GALNT13: variants seen among roughly 807,000 people sequenced by gnomAD.
The protein encoded by GALNT13 is polypeptide N-acetylgalactosaminyltransferase 13.
GALNT13 carries 28 observed loss-of-function variants against 64.2 expected under a neutral mutation model. That is an observed-to-expected ratio of 0.44 (90% CI 0.32 to 0.60). The LOEUF is 0.60. Ranked by LOEUF, GALNT13 falls within the 20% of genes least tolerant of loss-of-function variation. The probability of loss-of-function intolerance (pLI) is 0.05; values close to 1 mark genes in which losing one functional copy is unlikely to be tolerated. For synonymous variants in GALNT13, 214 were observed against 224.6 expected (o/e 0.95, Z 0.42); for missense variants, 577 against 669.8 (o/e 0.86, Z 1.53).
chr2:153,235,598 T>C, the GALNT13 span, among the ~76,000 whole-genome samples: 1 of 152,070 alleles, frequency 6.6e-6, no homozygotes, highest in Admixed American at 6.5e-5. Flanking sequence ...TGAGCATAGG[T>C]CAGCCCAAGG....
intron 3 of GALNT13, among the ~76,000 whole-genome samples, chr2:154,126,911 G>A (rs1215653531): frequency 1.3e-5 from 2 of 151,920 alleles, no homozygotes; most frequent in African/African-American, 2.4e-5. Flanking sequence ...ATAGCGATAT[G>A]AGGCAAAAAA....
chr2:154,123,104 G>A (rs1682049950), intron 3 of GALNT13, among the ~76,000 whole-genome samples: 1 of 151,852 alleles, frequency 6.6e-6, no homozygotes, highest in African/African-American at 2.4e-5. Flanking sequence ...TTTCAAAACT[G>A]AAGAATAAAC....
the GALNT13 span, among the ~76,000 whole-genome samples, chr2:153,187,044 T>G: frequency 3.3e-5 from 5 of 152,362 alleles, no homozygotes; most frequent in Non-Finnish European, 5.9e-5. Context: ...GTAGAAAATA[T>G]GAATGATGCT....
the GALNT13 span, among the ~76,000 whole-genome samples, chr2:153,600,375 T>C: frequency 6.6e-6 from 1 of 152,058 alleles, no homozygotes; most frequent in African/African-American, 2.4e-5. Context: ...TCATTTTGCT[T>C]TTTGTAAATA....
chr2:154,021,076 C>A (rs1168758447), intron 3 of GALNT13, among the ~76,000 whole-genome samples: 2 of 152,120 alleles, frequency 1.3e-5, no homozygotes, highest in African/African-American at 2.4e-5. Flanking sequence ...GTTTTCGTAC[C>A]AGTACCATGC....
At chr2:154,403,024 A>G (rs1319890784) in intron 10 of GALNT13, among the ~76,000 whole-genome samples, 1 of 152,104 alleles carries the variant, frequency 6.6e-6, no homozygotes, top group Non-Finnish European at 1.5e-5. Flanking sequence ...CCATTTTTGT[A>G]TTTTGAAGAC....
the GALNT13 span, among the ~76,000 whole-genome samples, chr2:153,391,557 T>C: frequency 6.6e-6 from 1 of 152,132 alleles, no homozygotes; most frequent in Admixed American, 6.6e-5. Flanking sequence ...TTTCTCTAAT[T>C]TATCATTTTG....
chr2:153,402,928 C>G, the GALNT13 span, among the ~76,000 whole-genome samples: 46 of 152,342 alleles, frequency 3.0e-4, no homozygotes, highest in African/African-American at 1.1e-3. Context: ...ACTCTCAGCT[C>G]GTCAAAGTCA....
the GALNT13 span, among the ~76,000 whole-genome samples, chr2:153,345,654 TCTTTCTTTC>T: frequency 3.7e-5 from 5 of 133,708 alleles, no homozygotes; most frequent in African/African-American, 1.5e-4. Flanking sequence ...TTTCTTTCTT[TCTTTCTTTC>T]TTTCTTTCTT....
chr2:154,361,762 C>T (rs148236929), intron 9 of GALNT13, among the ~76,000 whole-genome samples: 1 of 152,026 alleles, frequency 6.6e-6, no homozygotes, highest in Non-Finnish European at 1.5e-5. Flanking sequence ...AAAAACTAGG[C>T]CTGTGTCATT....
At chr2:153,918,008 A>G (rs889255704) in intron 2 of GALNT13, among the ~76,000 whole-genome samples, 1 of 151,790 alleles carries the variant, frequency 6.6e-6, no homozygotes, top group Non-Finnish European at 1.5e-5. Flanking sequence ...GCATGTACAC[A>G]TGTGTGAGTG....
intron 2 of GALNT13, among the ~76,000 whole-genome samples, chr2:153,912,491 T>A (rs1041797663): frequency 1.6e-4 from 24 of 152,216 alleles, no homozygotes; most frequent in African/African-American, 4.8e-4. Context: ...TTGCTTTTTT[T>A]GAGCTGTCAG....
At chr2:154,429,227 G>T (rs984042989) in intron 11 of GALNT13, among the ~76,000 whole-genome samples, 3 of 152,142 alleles carry the variant, frequency 2.0e-5, no homozygotes, top group Non-Finnish European at 2.9e-5. Flanking sequence ...AGTGAGGAAG[G>T]TATGTCAAGA....
chr2:154,045,899 G>A (rs1298821614), intron 3 of GALNT13, among the ~76,000 whole-genome samples: 1 of 152,030 alleles, frequency 6.6e-6, no homozygotes, highest in South Asian at 2.1e-4. Context: ...CATTATTGCC[G>A]TTAAAGTCTT....
chr2:153,162,480 CT>C, the GALNT13 span, among the ~76,000 whole-genome samples: 18 of 152,200 alleles, frequency 1.2e-4, no homozygotes, highest in Admixed American at 5.2e-4. Flanking sequence ...CTCTGTAGGG[CT>C]TTTGATGATT....
the GALNT13 span, among the ~76,000 whole-genome samples, chr2:153,133,350 TG>T: frequency 6.6e-6 from 1 of 151,996 alleles, no homozygotes; most frequent in South Asian, 2.1e-4. Flanking sequence ...ACTGGGAGGA[TG>T]GGGTGGGCTT....
chr2:154,444,274 A>C (rs1026473255), intron 12 of GALNT13, among the ~76,000 whole-genome samples: 2 of 152,170 alleles, frequency 1.3e-5, no homozygotes, highest in Non-Finnish European at 2.9e-5. Context: ...CTTAATTACT[A>C]TACTTTTTGA....
Position 154,233,800 on chromosome 2 carries a change from G to A in GALNT13, c.312-8230G>A, listed in dbSNP as rs576109028. Reference sequence around the variant, plus strand: ...TAGAGTGGAGAAAGTGGTCGGGGACGGTCCCAGTTGTGCTTAGTAGGAGGG... The same window carrying A: ...TAGAGTGGAGAAAGTGGTCGGGGACAGTCCCAGTTGTGCTTAGTAGGAGGG... On this transcript the variant is annotated intron_variant, in intron 4 of 12. Coordinates refer to ENST00000392825, the MANE Select transcript of GALNT13 (RefSeq NM_052917.4). 5.9e-5 allele frequency among the ~76,000 whole-genome samples: 9 copies of A among 152,212 alleles called. No individual in the cohort carries two copies. In the East Asian group the frequency reaches 9.7e-4, roughly 16 times the overall value.
At chr2:153,863,434 C>T in the GALNT13 span, among the ~76,000 whole-genome samples, 16,547 of 151,972 alleles carry the variant, frequency 0.11, 1,157 homozygotes, top group African/African-American at 0.19. Flanking sequence ...GGATAAAAGA[C>T]GTAATTGTTA....
Sources: gnomAD v4.1 joint callset for allele counts (sites outside exome capture counted in the v4.1 genomes callset) on GRCh38, gnomAD v4.1.1 for gene constraint, MANE v1.5 for transcripts, NCBI Gene and HGNC (gene_info 2026-07-23, HGNC 2026-07-21) for gene names.